CHCHD3: variants seen among roughly 807,000 people sequenced by gnomAD.
The protein encoded by CHCHD3 is coiled-coil-helix-coiled-coil-helix domain containing 3.
In CHCHD3, 20 loss-of-function variants were observed where a neutral mutation model predicts 38.2. The ratio of observed to expected loss-of-function variants is 0.52; its 90% CI spans 0.37 to 0.76. The LOEUF is 0.76. Ranked by LOEUF, CHCHD3 falls within the 30% of genes least tolerant of loss-of-function variation. The pLI, the probability that CHCHD3 is intolerant of heterozygous loss-of-function variation, is 0.00. For missense variants in CHCHD3, 245 were observed against 279.2 expected (o/e 0.88, Z 0.87); for synonymous variants, 82 against 100.0 (o/e 0.82, Z 1.07).
intron 1 of CHCHD3, among the ~76,000 whole-genome samples, chr7:133,073,707 C>G (rs758408808): frequency 3.0e-4 from 45 of 152,296 alleles, no homozygotes; most frequent in Non-Finnish European, 6.3e-4. Context: ...TGCCCTAATT[C>G]CTGTACCATC....
At chr7:132,797,916 A>G (rs1184613188) in intron 6 of CHCHD3, among the ~76,000 whole-genome samples, 1 of 152,180 alleles carries the variant, frequency 6.6e-6, no homozygotes, top group Non-Finnish European at 1.5e-5. Flanking sequence ...GTGTTTTTTC[A>G]AATTAGTCTT....
chr7:132,949,248 A>G (rs1810978032), intron 4 of CHCHD3, among the ~76,000 whole-genome samples: 1 of 152,048 alleles, frequency 6.6e-6, no homozygotes, highest in African/African-American at 2.4e-5. Context: ...TTGATGCTGG[A>G]TATGTATGGG....
intron 6 of CHCHD3, among the ~76,000 whole-genome samples, chr7:132,818,199 CCAGA>C (rs1371627996): frequency 1.3e-5 from 2 of 152,222 alleles, no homozygotes; most frequent in Non-Finnish European, 2.9e-5. Flanking sequence ...AAAGCCAATA[CCAGA>C]CAGTTTCTTG....
intron 2 of CHCHD3, chr7:133,034,761 C>T (rs771443842): frequency 4.3e-6 from 7 of 1,613,560 alleles, no homozygotes; most frequent in Non-Finnish European, 5.9e-6. Flanking sequence ...CCAATCTGGA[C>T]TCAGCGGAAA....
chr7:132,982,329 G>C (rs1406785079), intron 3 of CHCHD3, among the ~76,000 whole-genome samples: 3 of 152,172 alleles, frequency 2.0e-5, no homozygotes, highest in Non-Finnish European at 4.4e-5. Context: ...CTGTCTCCCA[G>C]GCTAGAGTGC....
intron 6 of CHCHD3, among the ~76,000 whole-genome samples, chr7:132,817,267 T>TCC (rs1563244235): frequency 6.6e-6 from 1 of 152,072 alleles, no homozygotes; most frequent in African/African-American, 2.4e-5. Context: ...TGAGATGCCT[T>TCC]CCCCCAACAA....
chr7:132,976,841 T>C (rs1053092585), intron 3 of CHCHD3, among the ~76,000 whole-genome samples: 1 of 151,694 alleles, frequency 6.6e-6, no homozygotes, highest in Non-Finnish European at 1.5e-5. Context: ...AGAAATCAAC[T>C]ACAACAGAAA....
At chr7:132,862,511 C>T (rs1808521814) in intron 5 of CHCHD3, among the ~76,000 whole-genome samples, 1 of 152,178 alleles carries the variant, frequency 6.6e-6, no homozygotes, top group Non-Finnish European at 1.5e-5. Context: ...GAGCCTTCAG[C>T]AAGTCACACT....
chr7:132,839,955 A>G (rs1476589596), intron 5 of CHCHD3, among the ~76,000 whole-genome samples: 1 of 152,214 alleles, frequency 6.6e-6, no homozygotes, highest in Admixed American at 6.5e-5. Context: ...ATCGATTGTA[A>G]TTTTTTATCA....
At chr7:132,922,641 G>GT (rs1562909276) in intron 4 of CHCHD3, among the ~76,000 whole-genome samples, 1 of 151,780 alleles carries the variant, frequency 6.6e-6, no homozygotes, top group Admixed American at 6.6e-5. Flanking sequence ...TTTGAAAGGC[G>GT]TAAGTCATAT....
intron 4 of CHCHD3, among the ~76,000 whole-genome samples, chr7:132,932,127 A>AGATGGAAGCCTGACACG (rs1201520888): frequency 1.3e-5 from 2 of 152,230 alleles, no homozygotes; most frequent in Non-Finnish European, 2.9e-5. Flanking sequence ...CCTGTTGGTC[A>AGATGGAAGCCTGACACG]GATGGAAGCC....
intron 4 of CHCHD3, among the ~76,000 whole-genome samples, chr7:132,892,225 C>T (rs1809379462): frequency 6.6e-6 from 1 of 152,098 alleles, no homozygotes; most frequent in African/African-American, 2.4e-5. Flanking sequence ...CGGTTTTGAC[C>T]AAAATGCTGA....
At chr7:132,849,793 A>G (rs924717511) in intron 5 of CHCHD3, among the ~76,000 whole-genome samples, 5 of 152,270 alleles carry the variant, frequency 3.3e-5, no homozygotes, top group African/African-American at 1.2e-4. Flanking sequence ...CTCAGCCTGC[A>G]ATGTTGATGT....
chr7:132,926,438 T>C (rs1035885259), intron 4 of CHCHD3, among the ~76,000 whole-genome samples: 8 of 152,182 alleles, frequency 5.3e-5, no homozygotes, highest in Admixed American at 6.5e-5. Context: ...CTGGAGCTGC[T>C]GGTTTATATC....
intron 3 of CHCHD3, among the ~76,000 whole-genome samples, chr7:132,980,427 TCTA>T (rs1283316344): frequency 6.6e-6 from 1 of 152,254 alleles, no homozygotes; most frequent in Non-Finnish European, 1.5e-5. Context: ...TCTAATATAT[TCTA>T]CATTAAGTCC....
At chr7:132,991,893 A>T (rs563177187) in intron 3 of CHCHD3, among the ~76,000 whole-genome samples, 1 of 152,262 alleles carries the variant, frequency 6.6e-6, no homozygotes, top group East Asian at 1.9e-4. Context: ...CCTACATGGA[A>T]GTCTCTGTTG....
intron 4 of CHCHD3, among the ~76,000 whole-genome samples, chr7:132,908,507 A>G (rs769361403): frequency 6.6e-6 from 1 of 152,188 alleles, no homozygotes; most frequent in Non-Finnish European, 1.5e-5. Context: ...CTTTCTTCTT[A>G]TAAGTATCCT....
intron 3 of CHCHD3, among the ~76,000 whole-genome samples, chr7:133,015,171 G>A (rs1015865570): frequency 4.6e-5 from 7 of 151,832 alleles, no homozygotes; most frequent in Admixed American, 2.6e-4. Context: ...GCGAAACCCT[G>A]TCTCTATTAA....
rs79579131 is a variant in CHCHD3, at chr7:133,002,913, G to C, written c.251+21633C>G. 9.1e-3 allele frequency among the ~76,000 whole-genome samples: 1,392 copies of C among 152,208 alleles called. 21 individuals carry two copies. Among genetic ancestry groups the C allele is most frequent in the African/African-American group, 0.032 (1,312 of 41,520 alleles). Reference sequence around the variant, plus strand: ...AGCAAAAATAAAAATGAAAATGAATGACACTGTTATGTAGTTTGATTACAT... The same window carrying C: ...AGCAAAAATAAAAATGAAAATGAATCACACTGTTATGTAGTTTGATTACAT... On this transcript the variant is annotated intron_variant, in intron 3 of 7. Coordinates refer to ENST00000262570, the MANE Select transcript of CHCHD3 (RefSeq NM_017812.4).
Sources: gnomAD v4.1 joint callset for allele counts (sites outside exome capture counted in the v4.1 genomes callset) on GRCh38, gnomAD v4.1.1 for gene constraint, MANE v1.5 for transcripts, NCBI Gene and HGNC (gene_info 2026-07-23, HGNC 2026-07-21) for gene names.